TPRG1: variants seen among roughly 807,000 people sequenced by gnomAD.
TPRG1 encodes the protein tumor protein p63-regulated gene 1 protein.
Under a neutral mutation model 29.3 loss-of-function variants are expected in TPRG1, and 29 were observed. The ratio of observed to expected loss-of-function variants is 0.99; its 90% CI spans 0.74 to 1.35. The LOEUF (loss-of-function observed/expected upper bound fraction) is 1.35, where lower values mean the gene tolerates loss of function less well. Among genes scored for constraint, TPRG1 ranks in the 40% most tolerant of loss-of-function variants. TPRG1 has a pLI of 0.00. For synonymous variants in TPRG1, 130 were observed against 116.8 expected, an observed-to-expected ratio of 1.11 and a Z score of -0.73; for missense variants, 327 against 335.0, an observed-to-expected ratio of 0.98 and a Z score of 0.19.
chr3:189,191,602 C>A (rs4686506), intron 1 of TPRG1, among the ~76,000 whole-genome samples: 97,816 of 152,030 alleles, frequency 0.64, 32,562 homozygotes, highest in African/African-American at 0.83. Context: ...TCTTGCATCT[C>A]ATTATTTTCT....
chr3:189,266,751 T>G (rs1714165268), intron 4 of TPRG1, among the ~76,000 whole-genome samples: 1 of 152,098 alleles, frequency 6.6e-6, no homozygotes, highest in Non-Finnish European at 1.5e-5. Context: ...TTATTGACCA[T>G]CAGAAGCTGG....
intron 1 of TPRG1, among the ~76,000 whole-genome samples, chr3:189,195,529 G>T (rs768540818): frequency 2.6e-5 from 4 of 152,210 alleles, no homozygotes; most frequent in Non-Finnish European, 5.9e-5. Flanking sequence ...GCTAGAGCAA[G>T]ACACACTCTA....
chr3:189,116,944 AC>A (rs1314273229), intron 1 of TPRG1, among the ~76,000 whole-genome samples: 1 of 152,220 alleles, frequency 6.6e-6, no homozygotes, highest in Non-Finnish European at 1.5e-5. Context: ...TGTATATTTT[AC>A]CACAACTAAA....
intron 4 of TPRG1, among the ~76,000 whole-genome samples, chr3:189,026,057 G>A (rs1052666896): frequency 1.3e-5 from 2 of 152,340 alleles, no homozygotes; most frequent in East Asian, 3.9e-4. Context: ...TAAGGAGTGA[G>A]GGAGAGTGTA....
chr3:189,266,341 TAGGC>T lies in TPRG1; in HGVS notation c.479+27435_479+27438del, dbSNP rs1453155657. ...TATTTAAGGTGTTACAAAATGTTAATAGGCAGCTATATCCTGAGAAGCTAGTGAG... is the reference window on the plus strand; with the variant it reads ...TATTTAAGGTGTTACAAAATGTTAATAGCTATATCCTGAGAAGCTAGTGAG... On this transcript the variant is annotated intron_variant, in intron 4 of 5. Coordinates refer to ENST00000345063, the MANE Select transcript of TPRG1 (RefSeq NM_198485.4). 9.9e-5 allele frequency among the ~76,000 whole-genome samples: 15 copies of T among 152,276 alleles called. No homozygotes were observed. The South Asian group carries it at 1.0e-3, about 11-fold the overall frequency.
intron 5 of TPRG1, among the ~76,000 whole-genome samples, chr3:189,158,708 T>C (rs1276521456): frequency 1.3e-5 from 2 of 152,284 alleles, no homozygotes; most frequent in African/African-American, 4.8e-5. Flanking sequence ...TCCATGACTG[T>C]GGAGTTTCAC....
intron 1 of TPRG1, among the ~76,000 whole-genome samples, chr3:189,112,875 A>G (rs1720710293): frequency 6.6e-6 from 1 of 152,128 alleles, no homozygotes; most frequent in Non-Finnish European, 1.5e-5. Flanking sequence ...TTTCGGTTCC[A>G]TATGAACTTT....
chr3:189,197,479 G>A (rs568180624), intron 1 of TPRG1, among the ~76,000 whole-genome samples: 1 of 152,060 alleles, frequency 6.6e-6, no homozygotes, highest in East Asian at 1.9e-4. Flanking sequence ...CCACTTTTCT[G>A]TCCCTTTTCT....
chr3:189,061,446 C>A (rs1198725174), intron 4 of TPRG1, among the ~76,000 whole-genome samples: 1 of 152,122 alleles, frequency 6.6e-6, no homozygotes, highest in African/African-American at 2.4e-5. Context: ...CAAATGAGAT[C>A]TAAGTAAGCT....
intron 4 of TPRG1, among the ~76,000 whole-genome samples, chr3:189,274,935 AGTGTGTGTGTGTGTGTGT>A (rs57386934): frequency 9.4e-5 from 13 of 137,646 alleles, no homozygotes; most frequent in African/African-American, 3.2e-4. Context: ...TAATGTAATG[AGTGTGTGTGTGTGTGTGT>A]GTGTGTGTGT....
chr3:189,118,033 A>G (rs187809072), intron 1 of TPRG1, among the ~76,000 whole-genome samples: 32 of 152,334 alleles, frequency 2.1e-4, no homozygotes, highest in African/African-American at 6.0e-4. Context: ...GATGTGGGAA[A>G]GTTTGAGACT....
intron 4 of TPRG1, among the ~76,000 whole-genome samples, chr3:189,300,340 G>A (rs909102556): frequency 3.9e-5 from 6 of 152,178 alleles, no homozygotes; most frequent in African/African-American, 1.2e-4. Context: ...ATGTCTTAGC[G>A]CATTGCCTGG....
At chr3:189,043,754 G>A (rs1714785799) in intron 4 of TPRG1, among the ~76,000 whole-genome samples, 1 of 152,050 alleles carries the variant, frequency 6.6e-6, no homozygotes, top group African/African-American at 2.4e-5. Context: ...TCTGCTTGGG[G>A]CTAGTGGTTG....
intron 4 of TPRG1, among the ~76,000 whole-genome samples, chr3:189,049,791 T>C (rs1715201472): frequency 6.6e-6 from 1 of 152,202 alleles, no homozygotes; most frequent in South Asian, 2.1e-4. Flanking sequence ...TATCCATGAC[T>C]GAGAGACCCA....
At chr3:189,009,889 C>T (rs991606144) in intron 3 of TPRG1, among the ~76,000 whole-genome samples, 1 of 151,764 alleles carries the variant, frequency 6.6e-6, no homozygotes, top group African/African-American at 2.4e-5. Context: ...CGCAGATCAT[C>T]CCATCACCCA....
At chr3:189,074,427 G>C (rs1429143592) in intron 4 of TPRG1, among the ~76,000 whole-genome samples, 1 of 151,530 alleles carries the variant, frequency 6.6e-6, no homozygotes, top group Non-Finnish European at 1.5e-5. Flanking sequence ...GGATGGTCTC[G>C]ATCTCCTGAC....
intron 1 of TPRG1, among the ~76,000 whole-genome samples, chr3:188,999,541 C>G (rs1454824983): frequency 6.6e-6 from 1 of 152,106 alleles, no homozygotes; most frequent in Non-Finnish European, 1.5e-5. Flanking sequence ...CATATGGTGA[C>G]TATGGATCTA....
chr3:189,295,530 G>A (rs1209059298), intron 4 of TPRG1, among the ~76,000 whole-genome samples: 2 of 137,146 alleles, frequency 1.5e-5, no homozygotes, highest in South Asian at 2.4e-4. Context: ...AAAAGGCCTT[G>A]GTCTCTTTGA....
intron 3 of TPRG1, among the ~76,000 whole-genome samples, chr3:189,227,205 G>C (rs1737887959): frequency 6.6e-6 from 1 of 152,060 alleles, no homozygotes. Flanking sequence ...GTTCATGCCT[G>C]TGGTCCCAGC....
Sources: gnomAD v4.1 joint callset for allele counts (sites outside exome capture counted in the v4.1 genomes callset) on GRCh38, gnomAD v4.1.1 for gene constraint, MANE v1.5 for transcripts, NCBI Gene and HGNC (gene_info 2026-07-23, HGNC 2026-07-21) for gene names.